Variants in TSPEAR observed in about 807,000 individuals in gnomAD.
TSPEAR encodes the protein thrombospondin type laminin G domain and EAR repeats, also known as thrombospondin-type laminin G domain and EAR repeat-containing protein.
TSPEAR carries 69 observed loss-of-function variants against 71.6 expected under a neutral mutation model. The observed-to-expected ratio is 0.96, with a 90% CI of 0.79 to 1.18. The LOEUF (loss-of-function observed/expected upper bound fraction) is 1.18. Among genes scored for constraint, TSPEAR ranks in the 50% most tolerant of loss-of-function variants. TSPEAR has a pLI of 0.00. For synonymous variants in TSPEAR, 402 were observed against 387.2 expected, an observed-to-expected ratio of 1.04 and a Z score of -0.45; for missense variants, 971 against 894.9, an observed-to-expected ratio of 1.09 and a Z score of -1.09.
intron 1 of TSPEAR, chr21:44,574,747 C>T: frequency 1.2e-6 from 2 of 1,613,910 alleles, no homozygotes; most frequent in Non-Finnish European, 1.7e-6. Context: ...AGCTGTGTGC[C>T]TGTTTGCTCT....
At chr21:44,606,891 T>C (rs1237853304) in intron 1 of TSPEAR, among the ~76,000 whole-genome samples, 1 of 152,048 alleles carries the variant, frequency 6.6e-6, no homozygotes, top group Non-Finnish European at 1.5e-5. Flanking sequence ...GGAAGGGAGA[T>C]GTTGATCAAA....
chr21:44,683,654 G>A (rs1986722722), intron 1 of TSPEAR, among the ~76,000 whole-genome samples: 1 of 151,356 alleles, frequency 6.6e-6, no homozygotes, highest in Non-Finnish European at 1.5e-5. Flanking sequence ...GGGCAACAGA[G>A]CAAGACCCCG....
At chr21:44,583,399 G>A (rs1190552283) in intron 1 of TSPEAR, among the ~76,000 whole-genome samples, 2 of 152,248 alleles carry the variant, frequency 1.3e-5, no homozygotes, top group East Asian at 3.8e-4. Context: ...CGCGATGACA[G>A]CAGCCCTCTG....
At chr21:44,708,189 C>A (rs1361970657) in intron 1 of TSPEAR, among the ~76,000 whole-genome samples, 1 of 152,128 alleles carries the variant, frequency 6.6e-6, no homozygotes, top group African/African-American at 2.4e-5. Flanking sequence ...CTCCCCCAGC[C>A]CCCAGCAGGG....
At chr21:44,503,642 TG>T (rs1284155292) in intron 11 of TSPEAR, among the ~76,000 whole-genome samples, 3 of 97,118 alleles carry the variant, frequency 3.1e-5, no homozygotes, top group African/African-American at 4.2e-5. Context: ...GGTGAGCCCT[TG>T]GGGGGAAGCC....
chr21:44,533,578 C>A (rs1203521859), intron 3 of TSPEAR, 107 bp downstream of exon 3: 3 of 972,410 alleles, frequency 3.1e-6, no homozygotes, highest in African/African-American at 3.2e-5. Context: ...TCAGCTCCTG[C>A]CCCAGGACAG....
intron 9 of TSPEAR, among the ~76,000 whole-genome samples, chr21:44,512,496 T>A (rs2052420141): frequency 6.6e-6 from 1 of 151,798 alleles, no homozygotes; most frequent in Non-Finnish European, 1.5e-5. Context: ...TCCCTAGGCA[T>A]GGGTGGCACA....
intron 1 of TSPEAR, among the ~76,000 whole-genome samples, chr21:44,630,369 C>T (rs8132337): frequency 0.76 from 116,245 of 152,102 alleles, 44,698 homozygotes; most frequent in African/African-American, 0.84. Flanking sequence ...CATTTAAAGG[C>T]AAATGAACCA....
intron 9 of TSPEAR, among the ~76,000 whole-genome samples, chr21:44,512,625 G>C (rs1343640161): frequency 6.6e-6 from 1 of 152,178 alleles, no homozygotes; most frequent in Admixed American, 6.5e-5. Flanking sequence ...GCGCGAGACG[G>C]GCAGTCTGGT....
intron 1 of TSPEAR, among the ~76,000 whole-genome samples, chr21:44,689,735 A>ATTTTTT (rs1347117943): frequency 3.2e-4 from 40 of 124,168 alleles, no homozygotes; most frequent in African/African-American, 1.2e-3. Flanking sequence ...ATATATATAT[A>ATTTTTT]TATATTTTGG....
intron 2 of TSPEAR, among the ~76,000 whole-genome samples, chr21:44,562,304 A>G (rs782561959): frequency 6.6e-6 from 1 of 152,216 alleles, no homozygotes; most frequent in Non-Finnish European, 1.5e-5. Flanking sequence ...AAGGAGAACT[A>G]CAAATCACTG....
chr21:44,630,519 G>T (rs1983193582), intron 1 of TSPEAR, among the ~76,000 whole-genome samples: 1 of 152,268 alleles, frequency 6.6e-6, no homozygotes, highest in African/African-American at 2.4e-5. Flanking sequence ...AGTCTATAAG[G>T]CCCCCATGCA....
At chr21:44,619,204 A>G (rs1193689902) in intron 1 of TSPEAR, among the ~76,000 whole-genome samples, 12 of 152,264 alleles carry the variant, frequency 7.9e-5, no homozygotes, top group African/African-American at 2.9e-4. Flanking sequence ...CTGAAGAAAA[A>G]TAAGTTTTTG....
At chr21:44,526,387 T>C (rs1365104358) in intron 7 of TSPEAR, among the ~76,000 whole-genome samples, 2 of 152,218 alleles carry the variant, frequency 1.3e-5, no homozygotes. Flanking sequence ...CTTGCTTGGA[T>C]GATGGAACAA....
At chr21:44,510,756 A>G (rs1199434398) in intron 9 of TSPEAR, 3 of 152,308 alleles carry the variant, frequency 2.0e-5, no homozygotes, top group African/African-American at 7.2e-5. Context: ...GCACCAGGCA[A>G]GGTCCCAAAG....
chr21:44,530,972 G>A (rs2052958121), intron 4 of TSPEAR, 71 bp downstream of exon 4: 17 of 1,220,314 alleles, frequency 1.4e-5, no homozygotes, highest in Non-Finnish European at 1.9e-5. Flanking sequence ...AACTAGAGCA[G>A]TAGGACAACT....
chr21:44,559,357 G>C (rs1388210850), intron 2 of TSPEAR, among the ~76,000 whole-genome samples: 1 of 152,212 alleles, frequency 6.6e-6, no homozygotes, highest in Non-Finnish European at 1.5e-5. Flanking sequence ...TGTCTTCCTG[G>C]GCAGAGATTG....
intron 1 of TSPEAR, among the ~76,000 whole-genome samples, chr21:44,646,152 A>G (rs1984338238): frequency 6.7e-6 from 1 of 148,670 alleles, no homozygotes. Flanking sequence ...AAAAAAAAAA[A>G]AAGGAAATAT....
chr21:44,629,832 G>A (rs1983152161), intron 1 of TSPEAR, among the ~76,000 whole-genome samples: 1 of 152,196 alleles, frequency 6.6e-6, no homozygotes, highest in African/African-American at 2.4e-5. Context: ...TGGCTCATAA[G>A]GGGAACTCTC....
Sources: gnomAD v4.1 joint callset for allele counts (sites outside exome capture counted in the v4.1 genomes callset) on GRCh38, gnomAD v4.1.1 for gene constraint, MANE v1.5 for transcripts, NCBI Gene and HGNC (gene_info 2026-07-23, HGNC 2026-07-21) for gene names.